The following LRRIQ1 variants were observed in gnomAD, a reference collection of about 807,000 sequenced individuals.
LRRIQ1 encodes the protein leucine rich repeats and IQ motif containing 1.
In LRRIQ1, 210 loss-of-function variants were observed where a neutral mutation model predicts 211.9. The observed-to-expected ratio is 0.99, with a 90% confidence interval of 0.89 to 1.11. The LOEUF (loss-of-function observed/expected upper bound fraction) is 1.11. Among genes scored for constraint, LRRIQ1 ranks in the 50% most tolerant of loss-of-function variants. LRRIQ1 has a pLI of 0.00. For missense variants in LRRIQ1, 2,136 were observed against 1,939.5 expected, an observed-to-expected ratio of 1.10 and a Z score of -1.90; for synonymous variants, 699 against 650.1, an observed-to-expected ratio of 1.08 and a Z score of -1.14.
At chr12:85,075,280 C>T (rs190910505) in intron 11 of LRRIQ1, among the ~76,000 whole-genome samples, 1 of 151,960 alleles carries the variant, frequency 6.6e-6, no homozygotes, top group African/African-American at 2.4e-5. Context: ...GGCCCTGCCT[C>T]TACAATTTTT....
At chr12:85,059,288 G>T (rs1881501196) in intron 8 of LRRIQ1, among the ~76,000 whole-genome samples, 1 of 151,950 alleles carries the variant, frequency 6.6e-6, no homozygotes, top group South Asian at 2.1e-4. Flanking sequence ...ACATAAATCG[G>T]ATCTTCGTGT....
intron 24 of LRRIQ1, among the ~76,000 whole-genome samples, chr12:85,165,902 A>T (rs1239842722): frequency 1.3e-5 from 2 of 152,144 alleles, no homozygotes; most frequent in East Asian, 3.9e-4. Flanking sequence ...CGCGATGTAC[A>T]TACGAGTGCA....
chr12:85,106,289 T>C (rs1258436662), intron 14 of LRRIQ1, among the ~76,000 whole-genome samples: 2 of 152,194 alleles, frequency 1.3e-5, no homozygotes, highest in African/African-American at 2.4e-5. Context: ...TGAACCCGAA[T>C]TGTAAAGCAG....
chr12:85,079,008 C>T (rs1263943355), intron 11 of LRRIQ1, among the ~76,000 whole-genome samples: 1 of 152,142 alleles, frequency 6.6e-6, no homozygotes, highest in East Asian at 1.9e-4. Flanking sequence ...TAACACAAGA[C>T]ATCTGGGTTC....
intron 1 of LRRIQ1, among the ~76,000 whole-genome samples, chr12:85,258,042 A>G (rs1249406503): frequency 6.6e-6 from 1 of 151,908 alleles, no homozygotes; most frequent in Non-Finnish European, 1.5e-5. Flanking sequence ...CAGGCAAAAT[A>G]CATGAGTTAA....
chr12:85,184,778 G>A (rs1007886159), intron 24 of LRRIQ1, among the ~76,000 whole-genome samples: 13 of 151,826 alleles, frequency 8.6e-5, no homozygotes, highest in African/African-American at 2.9e-4. Context: ...ATTTTAATGA[G>A]GTCAAGAAGT....
chr12:85,264,770 G>C (rs146395891), downstream of LRRIQ1, among the ~76,000 whole-genome samples: 4 of 152,156 alleles, frequency 2.6e-5, no homozygotes, highest in East Asian at 7.7e-4. Context: ...TGGACTAACA[G>C]TGATGGACCT....
intron 15 of LRRIQ1, among the ~76,000 whole-genome samples, chr12:85,117,606 C>G (rs180986637): frequency 6.6e-6 from 1 of 152,030 alleles, no homozygotes; most frequent in Non-Finnish European, 1.5e-5. Flanking sequence ...GCTTGGCATC[C>G]AAAGAATTAG....
chr12:85,151,613 T>C (rs1890248166), intron 19 of LRRIQ1, among the ~76,000 whole-genome samples: 1 of 151,664 alleles, frequency 6.6e-6, no homozygotes. Context: ...ATTAGCAGGT[T>C]CCATTGTGGA....
At chr12:85,090,026 A>G (rs1441242189) in intron 11 of LRRIQ1, among the ~76,000 whole-genome samples, 1 of 152,192 alleles carries the variant, frequency 6.6e-6, no homozygotes, top group East Asian at 1.9e-4. Context: ...TGGCCACAGG[A>G]TACTGCTCCC....
intron 24 of LRRIQ1, among the ~76,000 whole-genome samples, chr12:85,192,783 A>G (rs868606093): frequency 0.028 from 2,886 of 103,508 alleles, 85 homozygotes; most frequent in Non-Finnish European, 0.043. Flanking sequence ...AATTATATAT[A>G]AATATATATA....
chr12:85,213,193 G>A (rs1244727631), intron 24 of LRRIQ1, among the ~76,000 whole-genome samples: 2 of 151,638 alleles, frequency 1.3e-5, no homozygotes, highest in Non-Finnish European at 2.9e-5. Context: ...AAAAAAGCTG[G>A]TGTTCTTATA....
chr12:85,230,318 C>G (rs1404385129), intron 25 of LRRIQ1, among the ~76,000 whole-genome samples: 1 of 152,172 alleles, frequency 6.6e-6, no homozygotes, highest in Non-Finnish European at 1.5e-5. Context: ...GCTCCAGAGG[C>G]TACAAGTTCA....
chr12:85,143,758 G>C (rs759222607), intron 19 of LRRIQ1, among the ~76,000 whole-genome samples: 14 of 150,974 alleles, frequency 9.3e-5, no homozygotes. Flanking sequence ...CTATTTTGTT[G>C]AACATAATAA....
At chr12:85,047,704 A>T in intron 6 of LRRIQ1, 1 of 402,010 alleles carries the variant, frequency 2.5e-6, no homozygotes, top group East Asian at 4.7e-5. Flanking sequence ...AATGGAGTCT[A>T]TGAATTTCAA....
chr12:85,176,448 T>G (rs1179667061), intron 24 of LRRIQ1, among the ~76,000 whole-genome samples: 2 of 151,752 alleles, frequency 1.3e-5, no homozygotes, highest in African/African-American at 4.8e-5. Context: ...TGTAGGGACA[T>G]GGATGAAATT....
chr12:85,108,727 A>T (rs1886957926), intron 15 of LRRIQ1, among the ~76,000 whole-genome samples: 1 of 152,088 alleles, frequency 6.6e-6, no homozygotes, highest in South Asian at 2.1e-4. Context: ...TATTTATTGT[A>T]CATTTGACAT....
chr12:85,245,442 C>T (rs756275504), downstream of LRRIQ1, among the ~76,000 whole-genome samples: 1 of 150,288 alleles, frequency 6.7e-6, no homozygotes, highest in Non-Finnish European at 1.5e-5. Context: ...ATTCATAAAC[C>T]TGTCACACAC....
downstream of LRRIQ1, among the ~76,000 whole-genome samples, chr12:85,265,416 ATCTAATT>A (rs1896398851): frequency 1.3e-5 from 2 of 152,028 alleles, no homozygotes; most frequent in Non-Finnish European, 2.9e-5. Flanking sequence ...CATTTGTCAA[ATCTAATT>A]TCTAACTAGT....
Sources: gnomAD v4.1 joint callset for allele counts (sites outside exome capture counted in the v4.1 genomes callset) on GRCh38, gnomAD v4.1.1 for gene constraint, MANE v1.5 for transcripts, NCBI Gene and HGNC (gene_info 2026-07-23, HGNC 2026-07-21) for gene names.